Variants in KIF2A observed in about 807,000 individuals in gnomAD.
KIF2A encodes kinesin family member 2A, also known as kinesin-like protein KIF2A.
Under a neutral mutation model 100.2 loss-of-function variants are expected in KIF2A, and 22 were observed. The ratio of observed to expected loss-of-function variants is 0.22; its 90% CI spans 0.16 to 0.31. The LOEUF is 0.31. Among genes scored for constraint, KIF2A ranks in the 10% least tolerant of loss-of-function variants. KIF2A has a pLI of 1.00. For synonymous variants in KIF2A, 268 were observed against 285.9 expected (o/e 0.94, Z 0.63); for missense variants, 495 against 898.7 (o/e 0.55, Z 5.74).
At chr5:62,364,051 C>T (rs190006903) in intron 14 of KIF2A, among the ~76,000 whole-genome samples, 152 bp downstream of exon 14, 1 of 152,058 alleles carries the variant, frequency 6.6e-6, no homozygotes, top group East Asian at 1.9e-4. Flanking sequence ...TTATTATACC[C>T]AGATTTTTTC....
At chr5:62,377,869 A>G (rs1561281846) in intron 19 of KIF2A, 107 bp downstream of exon 19, 3 of 606,208 alleles carry the variant, frequency 4.9e-6, no homozygotes, top group Admixed American at 3.2e-5. Context: ...TTGTTTGTAT[A>G]TATGTATATG....
intron 1 of KIF2A, among the ~76,000 whole-genome samples, chr5:62,331,342 CA>C (rs971380982): frequency 1.3e-5 from 2 of 151,634 alleles, no homozygotes; most frequent in African/African-American, 4.9e-5. Flanking sequence ...ACTGGAGAGG[CA>C]GAGGCTGTGG....
chr5:62,306,386 C>A lies in KIF2A; in HGVS notation c.-87C>A. The A allele has an allele frequency of 1.0e-6, 1 of 955,824 alleles. No homozygotes were observed. The highest frequency in any genetic ancestry group is 1.6e-6 in the Non-Finnish European group (1 of 629,484). 59.2% of individuals were successfully genotyped at this position (955,824 alleles called of 1,614,324 possible). ...GGCGCGGCCGCGGGCAACCGCTCCC[C>A]CTCCCACACCTACCCCGCCCCCTCC... On this transcript the variant is annotated 5_prime_UTR_variant, in exon 1 of 21. Coordinates refer to ENST00000407818, the MANE Select transcript of KIF2A (RefSeq NM_001098511.3).
At chr5:62,322,621 A>T (rs1746154294) in intron 1 of KIF2A, among the ~76,000 whole-genome samples, 1 of 152,220 alleles carries the variant, frequency 6.6e-6, no homozygotes, top group South Asian at 2.1e-4. Context: ...TTGGTAAAGG[A>T]TGAATAAGGC....
intron 1 of KIF2A, among the ~76,000 whole-genome samples, chr5:62,332,840 G>A (rs1746723615): frequency 6.6e-6 from 1 of 152,134 alleles, no homozygotes; most frequent in Non-Finnish European, 1.5e-5. Context: ...TTTTCTTCCA[G>A]TATAATTGCT....
In KIF2A at chr5:62,382,075, ATG is replaced by A. The variant is rs138962327; in HGVS notation, c.2149+830_2149+831del. The stretch of plus-strand genomic sequence containing the variant: ...TGTTTAGGTGTGAGTGACCATCTGG[ATG>A]TGTGTGTACACGCAATCCAACATAA... On this transcript the variant is annotated intron_variant, in intron 20 of 20. Transcript: ENST00000407818. Among the ~76,000 whole-genome samples, 1,522 of 152,322 alleles carry A rather than the reference ATG, an allele frequency of 1.0e-2. 24 individuals carry two copies. Among genetic ancestry groups the A allele is most frequent in the African/African-American group, 0.032 (1,350 of 41,560 alleles).
rs554392525 is a variant in KIF2A, at chr5:62,321,853, C to T, written c.64+15317C>T. On this transcript the variant is annotated intron_variant, in intron 1 of 20. Transcript: ENST00000407818. ...GGATTACAGACTTGAGCCACCATGCCCAGCCATTTGTATGTCTTTTTTGGA... is the reference window on the plus strand; with the variant it reads ...GGATTACAGACTTGAGCCACCATGCTCAGCCATTTGTATGTCTTTTTTGGA... 5.3e-5 allele frequency among the ~76,000 whole-genome samples: 8 copies of T among 152,256 alleles called. No individual in the cohort carries two copies. In the South Asian group the frequency reaches 1.2e-3, roughly 24 times the overall value.
rs1192704468 is a variant in KIF2A, at chr5:62,389,071, A to G, written c.*3502A>G. The G allele has an allele frequency of 1.2e-6, 2 of 1,608,420 alleles. No homozygotes were observed. The highest frequency in any genetic ancestry group is 1.7e-6 in the Non-Finnish European group (2 of 1,176,684). ...TAGCAATCTGAAAAAAGAAATCAAA[A>G]TGGAATGGTACTGAAAAGCTAATTT... is the stretch of plus-strand genomic sequence containing the variant. On this transcript the variant is annotated 3_prime_UTR_variant, in exon 21 of 21. Transcript: ENST00000407818.
At chr5:62,347,263 A>G (rs1157586262) in intron 2 of KIF2A, 39 bp downstream of exon 2, 2 of 1,053,364 alleles carry the variant, frequency 1.9e-6, no homozygotes, top group African/African-American at 1.6e-5. Context: ...TAGTCCTGCA[A>G]TCAAGATTCT....
intron 18 of KIF2A, among the ~76,000 whole-genome samples, chr5:62,377,070 A>G (rs1323942550): frequency 6.6e-6 from 1 of 152,228 alleles, no homozygotes; most frequent in East Asian, 1.9e-4. Flanking sequence ...TCTAGAGTCA[A>G]CTATATGTTT....
rs1017818048 is a variant in KIF2A, at chr5:62,386,103, C to G, written c.*534C>G. The G allele has an allele frequency of 6.5e-6, 1 of 153,146 alleles. No individual in the cohort carries two copies. The highest frequency in any genetic ancestry group is 1.5e-5 in the Non-Finnish European group (1 of 68,448). 9.5% of individuals were successfully genotyped at this position (153,146 alleles called of 1,614,324 possible). A position where few individuals can be genotyped will look rare whatever the true frequency, so the allele number is the denominator to read the frequency against. Reference sequence around the variant, plus strand: ...AGCACAGCCAAGAAAAATTACATTCCTTGTCATTGTAAATTACCTTTGTGT... The same window carrying G: ...AGCACAGCCAAGAAAAATTACATTCGTTGTCATTGTAAATTACCTTTGTGT... On this transcript the variant is annotated 3_prime_UTR_variant, in exon 21 of 21. Coordinates refer to ENST00000407818, the MANE Select transcript of KIF2A (RefSeq NM_001098511.3).
intron 1 of KIF2A, among the ~76,000 whole-genome samples, chr5:62,340,404 A>G (rs1747234554): frequency 6.6e-6 from 1 of 152,238 alleles, no homozygotes; most frequent in African/African-American, 2.4e-5. Flanking sequence ...TCAAAGGGCA[A>G]TGAGTTAGTG....
chr5:62,380,595 C>G (rs1176848222), intron 19 of KIF2A, among the ~76,000 whole-genome samples: 1 of 151,990 alleles, frequency 6.6e-6, no homozygotes, highest in Non-Finnish European at 1.5e-5. Flanking sequence ...TGACCAGAAG[C>G]CTTACCAATA....
At position 62,340,123 on chromosome 5, in the gene KIF2A, G is replaced by A. The variant is rs189745756; in HGVS notation, c.65-7007G>A. Among the ~76,000 whole-genome samples, 53 of 152,076 alleles carry A rather than the reference G, an allele frequency of 3.5e-4. No individual in the cohort carries two copies. The East Asian group carries it at 7.5e-3, about 22-fold the overall frequency. On this transcript the variant is annotated intron_variant, in intron 1 of 20. Coordinates refer to ENST00000407818, the MANE Select transcript of KIF2A (RefSeq NM_001098511.3). ...GCTAATTTTTTGTGTTTTTAGTAGA[G>A]AGGGGGTTTCACCATGTTGGCCAGG...
intron 2 of KIF2A, 42 bp from the exon 3 acceptor site, chr5:62,348,006 A>G: frequency 5.7e-6 from 9 of 1,584,246 alleles, no homozygotes; most frequent in Middle Eastern, 1.7e-4. Flanking sequence ...GTTAATTGTC[A>G]AAATATACTC....
chr5:62,366,959 A>G (rs975630527), intron 16 of KIF2A, among the ~76,000 whole-genome samples: 1 of 152,192 alleles, frequency 6.6e-6, no homozygotes, highest in Non-Finnish European at 1.5e-5. Flanking sequence ...TCAAATTCTA[A>G]AAATAAGTGG....
intron 20 of KIF2A, among the ~76,000 whole-genome samples, chr5:62,382,483 A>G (rs1454680449): frequency 6.6e-6 from 1 of 152,174 alleles, no homozygotes; most frequent in Non-Finnish European, 1.5e-5. Flanking sequence ...TGTAATAGGT[A>G]CAACATGATG....
chr5:62,319,063 C>G (rs1745972607), intron 1 of KIF2A, among the ~76,000 whole-genome samples: 1 of 152,020 alleles, frequency 6.6e-6, no homozygotes. Context: ...TTTTCTGTAC[C>G]TACCGCTATA....
intron 18 of KIF2A, 56 bp downstream of exon 18, chr5:62,373,893 A>T: frequency 7.4e-7 from 1 of 1,344,324 alleles, no homozygotes; most frequent in Non-Finnish European, 1.1e-6. Flanking sequence ...TCAGTAGCAG[A>T]ACTTAACTGA....
Sources: allele counts gnomAD v4.1 joint callset (sites outside exome capture counted in the v4.1 genomes callset), GRCh38; gene constraint gnomAD v4.1.1; transcripts MANE v1.5; gene names NCBI Gene and HGNC (gene_info 2026-07-23, HGNC 2026-07-21).